The following COG5 variants were observed in gnomAD, a reference collection of about 807,000 sequenced individuals.
COG5 encodes the protein component of oligomeric golgi complex 5.
A neutral mutation model predicts 110.4 loss-of-function variants in COG5; 86 were observed. The observed-to-expected ratio is 0.78, with a 90% confidence interval of 0.65 to 0.93. The LOEUF is 0.93. Among genes scored for constraint, COG5 ranks in the 40% least tolerant of loss-of-function variants. The pLI, the probability that COG5 is intolerant of heterozygous loss-of-function variation, is 0.00. For synonymous variants in COG5, 360 were observed against 334.6 expected (o/e 1.08, Z -0.83); for missense variants, 1,077 against 987.0 (o/e 1.09, Z -1.22).
chr7:107,450,026 G>A (rs1461459501), intron 6 of COG5: 1 of 152,220 alleles, frequency 6.6e-6, no homozygotes, highest in East Asian at 1.9e-4. Context: ...AGAAAGGGGT[G>A]TGGCTTTAAA....
At chr7:107,312,693 G>C (rs932225286) in intron 11 of COG5, among the ~76,000 whole-genome samples, 1 of 152,132 alleles carries the variant, frequency 6.6e-6, no homozygotes, top group African/African-American at 2.4e-5. Context: ...TGAGTGCTGA[G>C]GAAATAGGAA....
intron 14 of COG5, among the ~76,000 whole-genome samples, chr7:107,274,160 T>C (rs1804500481): frequency 6.6e-6 from 1 of 152,052 alleles, no homozygotes; most frequent in Non-Finnish European, 1.5e-5. Flanking sequence ...CCAGGTGTGG[T>C]GGAGTTGCCT....
intron 7 of COG5, among the ~76,000 whole-genome samples, chr7:107,392,299 C>T (rs1790676801): frequency 6.6e-6 from 1 of 151,964 alleles, no homozygotes; most frequent in African/African-American, 2.4e-5. Flanking sequence ...CTAGTGAGCT[C>T]CTATTATGAA....
At chr7:107,231,730 CATT>C (rs532479441) in intron 18 of COG5, among the ~76,000 whole-genome samples, 172 of 152,272 alleles carry the variant, frequency 1.1e-3, no homozygotes, top group African/African-American at 4.0e-3. Context: ...ATCGATCACT[CATT>C]TGAGAAACAT....
chr7:107,293,214 C>A (rs1418965134), intron 12 of COG5, among the ~76,000 whole-genome samples: 2 of 152,174 alleles, frequency 1.3e-5, no homozygotes, highest in African/African-American at 2.4e-5. Context: ...GCCTGCCATA[C>A]TCAAGGACCC....
chr7:107,286,240 T>C lies in COG5; in HGVS notation c.1314-2508A>G, dbSNP rs1293603675. On this transcript the variant is annotated intron_variant, in intron 12 of 21. Transcript: ENST00000297135. ...AACAGGAGGGTAGTACAAGATAATATCAGAGAAAACAGATGGACGTCATGT... is the reference window on the plus strand; with the variant it reads ...AACAGGAGGGTAGTACAAGATAATACCAGAGAAAACAGATGGACGTCATGT... Among the ~76,000 whole-genome samples, 5 of 152,124 alleles carry C rather than the reference T, an allele frequency of 3.3e-5. No individual in the cohort carries two copies. The East Asian group carries it at 9.6e-4, about 29-fold the overall frequency.
intron 19 of COG5, among the ~76,000 whole-genome samples, chr7:107,211,951 G>A (rs1361398112): frequency 6.6e-6 from 1 of 152,202 alleles, no homozygotes; most frequent in African/African-American, 2.4e-5. Context: ...ATCCCAAGTA[G>A]TAAGATGGCA....
intron 5 of COG5, among the ~76,000 whole-genome samples, chr7:107,547,179 A>T (rs1802514239): frequency 6.6e-6 from 1 of 152,202 alleles, no homozygotes; most frequent in African/African-American, 2.4e-5. Context: ...ATTCACCATG[A>T]TCAAGTGAGA....
intron 6 of COG5, 31 bp downstream of exon 6, chr7:107,527,206 A>T (rs1800829056): frequency 1.3e-6 from 2 of 1,503,030 alleles, no homozygotes; most frequent in African/African-American, 2.9e-5. Flanking sequence ...ATCTCTACTA[A>T]CTTTTTATTT....
chr7:107,362,400 T>A lies in COG5; in HGVS notation c.856A>T (p.Met286Leu), dbSNP rs905549916. 38 of 1,613,684 alleles carry A rather than the reference T, an allele frequency of 2.4e-5. No individual in the cohort carries two copies. Among genetic ancestry groups the A allele is most frequent in the Non-Finnish European group, 3.1e-5 (36 of 1,179,752 alleles). ...AVRGGPGRST[M>L]PTPGNTAALR... ...GCTGCAGTATTTCCTGGGGTTGGCA[T>A]GGTAGATCGTCCAGGTCCCCCTGGT... The change falls in exon 9 of 22, where the codon ATG (methionine) becomes TTG (leucine). Residue 286 changes from methionine (M) to leucine (L), a missense_variant. By Grantham distance (15) the Met-to-Leu change is conservative. Transcript: ENST00000297135.
At chr7:107,465,920 A>G (rs749775057) in intron 6 of COG5, among the ~76,000 whole-genome samples, 2 of 152,326 alleles carry the variant, frequency 1.3e-5, no homozygotes, top group Non-Finnish European at 2.9e-5. Flanking sequence ...CATAAGAGTC[A>G]TAACAGCACA....
At chr7:107,387,512 T>G (rs1473125517) in intron 7 of COG5, among the ~76,000 whole-genome samples, 1 of 152,208 alleles carries the variant, frequency 6.6e-6, no homozygotes, top group Non-Finnish European at 1.5e-5. Flanking sequence ...CTGCTAAAAT[T>G]TAAGTAAAAT....
chr7:107,560,992 G>T (rs1385781685), intron 1 of COG5, among the ~76,000 whole-genome samples: 1 of 152,120 alleles, frequency 6.6e-6, no homozygotes, highest in Non-Finnish European at 1.5e-5. Context: ...GGGGTGGACA[G>T]AGAAAATGAA....
At chr7:107,324,150 A>G (rs1809550666) in intron 11 of COG5, among the ~76,000 whole-genome samples, 1 of 152,164 alleles carries the variant, frequency 6.6e-6, no homozygotes. Flanking sequence ...CACTCTACGT[A>G]GGAAAAATTC....
At chr7:107,409,999 T>C (rs1287453966) in intron 7 of COG5, among the ~76,000 whole-genome samples, 1 of 152,228 alleles carries the variant, frequency 6.6e-6, no homozygotes, top group African/African-American at 2.4e-5. Context: ...ACAACAGTCT[T>C]ACAGTTGTCT....
chr7:107,547,956 C>G (rs1052507890), intron 5 of COG5, 155 bp downstream of exon 5: 5 of 656,386 alleles, frequency 7.6e-6, no homozygotes, highest in Non-Finnish European at 1.3e-5. Flanking sequence ...ATTTTTTGAG[C>G]TAGACATCTT....
intron 1 of COG5, 102 bp downstream of exon 1, chr7:107,563,701 G>C: frequency 7.1e-7 from 1 of 1,413,196 alleles, no homozygotes; most frequent in Non-Finnish European, 1.0e-6. Context: ...GTCCAGACTG[G>C]AAAACTTTCT....
intron 11 of COG5, among the ~76,000 whole-genome samples, chr7:107,312,076 T>G (rs1278924676): frequency 6.7e-6 from 1 of 149,872 alleles, no homozygotes; most frequent in Non-Finnish European, 1.5e-5. Context: ...TAATCACCAC[T>G]AATGCTCCTG....
intron 10 of COG5, among the ~76,000 whole-genome samples, chr7:107,328,969 C>T (rs898468600): frequency 2.0e-5 from 3 of 152,068 alleles, no homozygotes; most frequent in East Asian, 3.9e-4. Context: ...TACAGGCACA[C>T]GCCACCACTG....
Sources: allele counts gnomAD v4.1 joint callset (sites outside exome capture counted in the v4.1 genomes callset), GRCh38; gene constraint gnomAD v4.1.1; transcripts MANE v1.5; gene names NCBI Gene and HGNC (gene_info 2026-07-23, HGNC 2026-07-21).